Variants in CCDC85A observed in about 807,000 individuals in gnomAD.
The protein encoded by CCDC85A is coiled-coil domain-containing protein 85A.
A neutral mutation model predicts 50.2 loss-of-function variants in CCDC85A; 38 were observed. The ratio of observed to expected loss-of-function variants is 0.76; its 90% confidence interval spans 0.58 to 0.99. CCDC85A has a LOEUF of 0.99. Among genes scored for constraint, CCDC85A ranks in the 50% least tolerant of loss-of-function variants. CCDC85A has a pLI of 0.00. For missense variants in CCDC85A, 820 were observed against 742.0 expected (o/e 1.11, Z -1.22); for synonymous variants, 366 against 301.4 (o/e 1.21, Z -2.22).
At chr2:56,258,396 G>GTT (rs1258860866) in intron 2 of CCDC85A, among the ~76,000 whole-genome samples, 1 of 152,136 alleles carries the variant, frequency 6.6e-6, no homozygotes, top group Non-Finnish European at 1.5e-5. Flanking sequence ...AAGACAGTGT[G>GTT]TTTTTCCATG....
At position 56,350,752 on chromosome 2, in the gene CCDC85A, CT is replaced by C. The variant is rs373522130; in HGVS notation, c.1317+7812del. ...CTCCTCTGTGGTTCAGAGACCTTTC[CT>C]TTTTTTTTTTTTTTCTATTGCATGG... is the stretch of plus-strand genomic sequence containing the variant. On this transcript the variant is annotated intron_variant, in intron 3 of 5. Transcript: ENST00000407595. Among the ~76,000 whole-genome samples, 1,097 of 128,972 alleles carry C rather than the reference CT, an allele frequency of 8.5e-3. 9 individuals carry two copies. The highest frequency in any genetic ancestry group is 0.019 in the African/African-American group (685 of 35,398). 84.6% of individuals were successfully genotyped at this position (128,972 alleles called of 152,430 possible).
chr2:56,331,154 C>T (rs1188510762), intron 2 of CCDC85A, among the ~76,000 whole-genome samples: 1 of 151,986 alleles, frequency 6.6e-6, no homozygotes, highest in African/African-American at 2.4e-5. Flanking sequence ...CATGTTCCCA[C>T]TTAGAAGTGG....
At chr2:56,233,884 T>C (rs1573069102) in intron 2 of CCDC85A, among the ~76,000 whole-genome samples, 1 of 152,256 alleles carries the variant, frequency 6.6e-6, no homozygotes, top group East Asian at 1.9e-4. Flanking sequence ...TGTTTTGCAG[T>C]CTGGGTGGAT....
At chr2:56,200,998 A>G (rs1211073464) in intron 2 of CCDC85A, among the ~76,000 whole-genome samples, 2 of 151,182 alleles carry the variant, frequency 1.3e-5, no homozygotes, top group African/African-American at 2.4e-5. Flanking sequence ...AGGCTTTTCC[A>G]TGAGACAGGA....
chr2:56,204,470 G>A (rs1310915296), intron 2 of CCDC85A, among the ~76,000 whole-genome samples: 1 of 152,150 alleles, frequency 6.6e-6, no homozygotes, highest in African/African-American at 2.4e-5. Flanking sequence ...AAGCCACAGT[G>A]TTAACTCAGT....
chr2:56,374,142 A>G (rs539906542), intron 4 of CCDC85A, among the ~76,000 whole-genome samples: 2 of 152,302 alleles, frequency 1.3e-5, no homozygotes, highest in East Asian at 3.9e-4. Flanking sequence ...CACCTGCTGT[A>G]CATTTTAGTT....
chr2:56,327,743 G>A (rs1673548517), intron 2 of CCDC85A, among the ~76,000 whole-genome samples: 1 of 142,254 alleles, frequency 7.0e-6, no homozygotes, highest in Non-Finnish European at 1.5e-5. Flanking sequence ...CTTGAAAAGA[G>A]TTTTGTCTCT....
chr2:56,307,237 TA>T (rs1190956040), intron 2 of CCDC85A, among the ~76,000 whole-genome samples: 1 of 152,222 alleles, frequency 6.6e-6, no homozygotes, highest in Non-Finnish European at 1.5e-5. Flanking sequence ...GGGGATTATC[TA>T]CTTTTAAGTA....
chr2:56,230,258 C>A (rs1161492630), intron 2 of CCDC85A, among the ~76,000 whole-genome samples: 1 of 152,156 alleles, frequency 6.6e-6, no homozygotes, highest in Non-Finnish European at 1.5e-5. Context: ...ATATTGGTAA[C>A]TGATGACTGA....
chr2:56,335,367 G>A (rs1274254016), intron 2 of CCDC85A, among the ~76,000 whole-genome samples: 1 of 152,170 alleles, frequency 6.6e-6, no homozygotes, highest in East Asian at 1.9e-4. Context: ...AAGTTTGTCT[G>A]TGAATTGGAA....
At chr2:56,214,124 A>G (rs1254098586) in intron 2 of CCDC85A, among the ~76,000 whole-genome samples, 1 of 138,794 alleles carries the variant, frequency 7.2e-6, no homozygotes, top group East Asian at 1.9e-4. Context: ...ATTAGTATAT[A>G]TAATATGTTA....
intron 2 of CCDC85A, among the ~76,000 whole-genome samples, chr2:56,333,470 G>A (rs1408046983): frequency 6.6e-6 from 1 of 152,130 alleles, no homozygotes; most frequent in African/African-American, 2.4e-5. Context: ...GATCACACAG[G>A]GCCCTGATGG....
At chr2:56,199,322 G>A (rs1038656431) in intron 2 of CCDC85A, among the ~76,000 whole-genome samples, 6 of 152,060 alleles carry the variant, frequency 3.9e-5, no homozygotes, top group African/African-American at 1.4e-4. Flanking sequence ...CTGGAGGCAG[G>A]GATGTAGGGA....
chr2:56,262,124 G>A (rs1304787205), intron 2 of CCDC85A, among the ~76,000 whole-genome samples: 1 of 152,132 alleles, frequency 6.6e-6, no homozygotes, highest in Non-Finnish European at 1.5e-5. Context: ...TTTTAGGATT[G>A]TTGAGGAAAT....
At chr2:56,230,024 A>T (rs901221968) in intron 2 of CCDC85A, among the ~76,000 whole-genome samples, 1 of 152,212 alleles carries the variant, frequency 6.6e-6, no homozygotes, top group Non-Finnish European at 1.5e-5. Flanking sequence ...TGATGTCAGT[A>T]AAATTATGCT....
intron 4 of CCDC85A, among the ~76,000 whole-genome samples, chr2:56,373,083 A>G (rs1676161880): frequency 6.6e-6 from 1 of 152,232 alleles, no homozygotes; most frequent in Admixed American, 6.5e-5. Flanking sequence ...CTTTTATTTT[A>G]TAGTACTAAA....
In CCDC85A at chr2:56,192,772, C is replaced by T; in HGVS notation, c.572C>T (p.Ala191Val). Reference protein sequence around the residue: ...AGSRCSIDSQASLCQLTASTA... With the variant: ...AGSRCSIDSQVSLCQLTASTA... ...AGCCGCTGCTCCATCGACAGCCAGG[C>T]CAGCCTGTGCCAACTCACAGCCTCC... The change falls in exon 2 of 6, where the codon GCC becomes GTC. Residue 191 changes from alanine to valine, a missense_variant. Physicochemically the swap from Ala to Val is moderately conservative, Grantham distance 64. Transcript: ENST00000407595. This position sits in a 1 kb window ranked among gnomAD's most constrained non-coding sequence, Gnocchi z 4.7. The T allele has an allele frequency of 2.5e-6, 4 of 1,613,106 alleles. No individual in the cohort carries two copies. The highest frequency in any genetic ancestry group is 3.4e-6 in the Non-Finnish European group (4 of 1,179,464).
intron 5 of CCDC85A, among the ~76,000 whole-genome samples, chr2:56,378,731 G>T (rs1407491438): frequency 2.6e-5 from 4 of 152,130 alleles, no homozygotes; most frequent in Non-Finnish European, 4.4e-5. Flanking sequence ...TGACCTGAAG[G>T]TCCCACTTCA....
chr2:56,374,506 G>A (rs1676238931), intron 4 of CCDC85A, among the ~76,000 whole-genome samples: 1 of 152,126 alleles, frequency 6.6e-6, no homozygotes, highest in Non-Finnish European at 1.5e-5. Context: ...TCTCTAAAAT[G>A]TACAGCATAA....
Sources: allele counts gnomAD v4.1 joint callset (sites outside exome capture counted in the v4.1 genomes callset), GRCh38; gene constraint gnomAD v4.1.1; non-coding constraint Gnocchi (gnomAD v3.1); transcripts MANE v1.5; gene names NCBI Gene and HGNC (gene_info 2026-07-23, HGNC 2026-07-21).